The following SGCZ variants were observed in gnomAD, a reference collection of about 807,000 sequenced individuals.
SGCZ encodes the protein sarcoglycan zeta, also known as zeta-sarcoglycan.
Under a neutral mutation model 41.3 loss-of-function variants are expected in SGCZ, and 40 were observed. The observed-to-expected ratio is 0.97, with a 90% CI of 0.75 to 1.26. The LOEUF is 1.26. Ranked by LOEUF, SGCZ falls within the 50% of genes most tolerant of loss-of-function variation. The pLI, the probability that SGCZ is intolerant of heterozygous loss-of-function variation, is 0.00. For missense variants in SGCZ, 552 were observed against 369.8 expected (o/e 1.49, Z -4.04); for synonymous variants, 206 against 137.5 (o/e 1.50, Z -3.49).
intron 1 of SGCZ, among the ~76,000 whole-genome samples, chr8:14,777,641 C>A (rs1177579487): frequency 6.6e-6 from 1 of 151,990 alleles, no homozygotes; most frequent in Non-Finnish European, 1.5e-5. Flanking sequence ...TCCATGTTCA[C>A]AGGAAATGTA....
rs57898016 is a variant in SGCZ at position 14,493,359 on chromosome 8, CTTTTTTTTTTT to C, written c.234+61362_234+61372del. ...CATACTTTTCCCACTATCATCCTTT[CTTTTTTTTTTT>C]TTTTTTTTTTTTTTTTTGATGGAGT... On this transcript the variant is annotated intron_variant, in intron 2 of 7. Transcript: ENST00000382080. Among the ~76,000 whole-genome samples, 14 of 44,278 alleles carry C rather than the reference CTTTTTTTTTTT, an allele frequency of 3.2e-4. 2 individuals are homozygous for C. The highest frequency in any genetic ancestry group is 0.022 in the Middle Eastern group (1 of 46). 29.0% of individuals were successfully genotyped at this position (44,278 alleles called of 152,430 possible).
chr8:14,610,865 G>A (rs1050148895), intron 1 of SGCZ, among the ~76,000 whole-genome samples: 20 of 152,082 alleles, frequency 1.3e-4, no homozygotes, highest in Admixed American at 2.0e-4. Context: ...TGGAAGATAC[G>A]GAAAGTCAAA....
intron 1 of SGCZ, among the ~76,000 whole-genome samples, chr8:15,152,894 A>G (rs1457217): frequency 0.21 from 32,253 of 152,076 alleles, 3,825 homozygotes; most frequent in East Asian, 0.47. Flanking sequence ...TTCATAGCAG[A>G]TGGTGTCAAC....
At position 14,940,369 on chromosome 8, in the gene SGCZ, C is replaced by G. The variant is rs115204557; in HGVS notation, c.39+297216G>C. Reference sequence around the variant, plus strand: ...ACAAAATGCCCTCAAATTTAAAAGCCAATGATCTAAATAGACTTACTTATA... The same window carrying G: ...ACAAAATGCCCTCAAATTTAAAAGCGAATGATCTAAATAGACTTACTTATA... On this transcript the variant is annotated intron_variant, in intron 1 of 7. Transcript: ENST00000382080. Among the ~76,000 whole-genome samples the G allele has an allele frequency of 7.5e-3, 1,147 of 152,080 alleles. 12 individuals carry two copies. The highest frequency in any genetic ancestry group is 0.026 in the African/African-American group (1,090 of 41,492).
intron 1 of SGCZ, among the ~76,000 whole-genome samples, chr8:14,685,577 C>G (rs542717166): frequency 6.6e-6 from 1 of 152,028 alleles, no homozygotes; most frequent in South Asian, 2.1e-4. Context: ...AAGGCAATAC[C>G]CAGTTTTAAT....
At chr8:14,216,906 T>C (rs1806012366) in intron 4 of SGCZ, among the ~76,000 whole-genome samples, 1 of 152,228 alleles carries the variant, frequency 6.6e-6, no homozygotes, top group South Asian at 2.1e-4. Context: ...AGCAAAAAGA[T>C]GTAGCACAAG....
chr8:14,166,171 C>T (rs145448441), intron 4 of SGCZ, among the ~76,000 whole-genome samples: 1 of 152,150 alleles, frequency 6.6e-6, no homozygotes, highest in East Asian at 1.9e-4. Flanking sequence ...AACTTTTGGG[C>T]TGTAAAGTTT....
rs1803365793 is a variant in SGCZ at position 14,538,589 on chromosome 8, A to T, written c.234+16143T>A. Among the ~76,000 whole-genome samples the T allele has an allele frequency of 2.0e-5, 3 of 151,994 alleles. No individual in the cohort carries two copies. In the South Asian group the frequency reaches 6.2e-4, roughly 31 times the overall value. On this transcript the variant is annotated intron_variant, in intron 2 of 7. Coordinates refer to ENST00000382080, the MANE Select transcript of SGCZ (RefSeq NM_139167.4). ...ATACTTTCTATGGAGAAAGTGTCAGAGCAAATGTTAGAAGAATAATTATAA... is the reference window on the plus strand; with the variant it reads ...ATACTTTCTATGGAGAAAGTGTCAGTGCAAATGTTAGAAGAATAATTATAA...
intron 1 of SGCZ, among the ~76,000 whole-genome samples, chr8:14,665,674 G>A (rs1807888081): frequency 1.3e-5 from 2 of 152,074 alleles, no homozygotes; most frequent in Admixed American, 1.3e-4. Context: ...GCATCTTGGA[G>A]CTTTTCATAC....
intron 5 of SGCZ, among the ~76,000 whole-genome samples, chr8:14,141,818 A>G (rs1218512298): frequency 6.6e-6 from 1 of 152,242 alleles, no homozygotes; most frequent in Non-Finnish European, 1.5e-5. Flanking sequence ...ATTACTGGGT[A>G]TATACCCAAA....
At chr8:14,486,132 TC>T (rs934923793) in intron 2 of SGCZ, among the ~76,000 whole-genome samples, 1 of 152,212 alleles carries the variant, frequency 6.6e-6, no homozygotes, top group Non-Finnish European at 1.5e-5. Context: ...TGCTCGTTTT[TC>T]CCCCTCAAAG....
chr8:14,908,403 G>C (rs1423077006), intron 1 of SGCZ, among the ~76,000 whole-genome samples: 1 of 152,102 alleles, frequency 6.6e-6, no homozygotes, highest in Non-Finnish European at 1.5e-5. Context: ...ATTCTACCAA[G>C]GGGTATAATA....
chr8:14,969,400 T>C (rs1432677496), intron 1 of SGCZ, among the ~76,000 whole-genome samples: 3 of 152,090 alleles, frequency 2.0e-5, no homozygotes, highest in African/African-American at 7.2e-5. Context: ...ACAGCACATA[T>C]TTAAAGTATA....
chr8:14,922,613 C>T (rs142911446), intron 1 of SGCZ, among the ~76,000 whole-genome samples: 1 of 152,080 alleles, frequency 6.6e-6, no homozygotes, highest in African/African-American at 2.4e-5. Flanking sequence ...TTCCTAGATT[C>T]TCAATAGAAC....
At chr8:15,075,667 C>T (rs1336483219) in intron 1 of SGCZ, among the ~76,000 whole-genome samples, 2 of 152,148 alleles carry the variant, frequency 1.3e-5, no homozygotes, top group African/African-American at 2.4e-5. Flanking sequence ...CTCCTATCTA[C>T]CTGTCTATTA....
chr8:14,167,165 T>C (rs896894794), intron 4 of SGCZ, among the ~76,000 whole-genome samples: 1 of 152,194 alleles, frequency 6.6e-6, no homozygotes, highest in African/African-American at 2.4e-5. Context: ...ATTAGGGATA[T>C]TTATGCTTAA....
At chr8:15,059,432 C>A (rs1212087433) in intron 1 of SGCZ, among the ~76,000 whole-genome samples, 1 of 152,026 alleles carries the variant, frequency 6.6e-6, no homozygotes, top group African/African-American at 2.4e-5. Context: ...TGACAATTAC[C>A]AGATTATTTA....
intron 1 of SGCZ, among the ~76,000 whole-genome samples, chr8:14,592,828 C>G (rs1457930201): frequency 6.6e-6 from 1 of 152,106 alleles, no homozygotes; most frequent in Non-Finnish European, 1.5e-5. Flanking sequence ...TAGCAGTGTT[C>G]AGAGTTTAAT....
At chr8:15,221,888 T>C (rs570581091) in intron 1 of SGCZ, among the ~76,000 whole-genome samples, 26 of 152,330 alleles carry the variant, frequency 1.7e-4, no homozygotes, top group African/African-American at 6.0e-4. Flanking sequence ...CATGTCACCA[T>C]GTGGAACACT....
Sources: allele counts gnomAD v4.1 joint callset (sites outside exome capture counted in the v4.1 genomes callset), GRCh38; gene constraint gnomAD v4.1.1; transcripts MANE v1.5; gene names NCBI Gene and HGNC (gene_info 2026-07-23, HGNC 2026-07-21).